The following BMERB1 variants were observed in gnomAD, a reference collection of about 807,000 sequenced individuals.
BMERB1 encodes the protein bMERB domain-containing protein 1.
In BMERB1, 12 loss-of-function variants were observed where a neutral mutation model predicts 23.6. That is an observed-to-expected ratio of 0.51 (90% CI 0.33 to 0.82). The LOEUF (loss-of-function observed/expected upper bound fraction) is 0.82, where lower values mean the gene tolerates loss of function less well. Among genes scored for constraint, BMERB1 ranks in the 40% least tolerant of loss-of-function variants. The pLI is 0.03. For synonymous variants in BMERB1, 122 were observed against 96.6 expected, an observed-to-expected ratio of 1.26 and a Z score of -1.54; for missense variants, 247 against 255.4, an observed-to-expected ratio of 0.97 and a Z score of 0.22.
intron 2 of BMERB1, among the ~76,000 whole-genome samples, chr16:15,523,624 G>A (rs1260274360): frequency 6.6e-6 from 1 of 152,098 alleles, no homozygotes; most frequent in African/African-American, 2.4e-5. Flanking sequence ...CAACTGTGTG[G>A]CCTGGAGCAA....
intron 2 of BMERB1, chr16:15,533,116 A>T: frequency 2.5e-6 from 1 of 406,814 alleles, no homozygotes; most frequent in Admixed American, 3.0e-5. Flanking sequence ...TTAAGTGCTC[A>T]GTCCAGTGCC....
chr16:15,544,965 C>A (rs115467589), intron 2 of BMERB1, among the ~76,000 whole-genome samples: 2,139 of 149,352 alleles, frequency 0.014, 56 homozygotes, highest in African/African-American at 0.05. Flanking sequence ...CCCAAATTTT[C>A]TTTTCTTTTC....
intron 2 of BMERB1, among the ~76,000 whole-genome samples, chr16:15,522,606 C>G (rs1211397817): frequency 6.6e-6 from 1 of 152,184 alleles, no homozygotes; most frequent in Non-Finnish European, 1.5e-5. Flanking sequence ...GATGAGGAAA[C>G]TGAGGCACTG....
chr16:15,569,281 C>T (rs2030664928), intron 3 of BMERB1, among the ~76,000 whole-genome samples: 1 of 152,132 alleles, frequency 6.6e-6, no homozygotes, highest in African/African-American at 2.4e-5. Flanking sequence ...CACAGTCCTG[C>T]AGGCTGTACC....
chr16:15,468,493 T>C (rs1156242706), intron 1 of BMERB1, among the ~76,000 whole-genome samples: 1 of 152,072 alleles, frequency 6.6e-6, no homozygotes. Flanking sequence ...CTATTAATAA[T>C]TCCAAAAGGA....
chr16:15,499,331 G>A (rs2051504126), intron 1 of BMERB1, among the ~76,000 whole-genome samples: 1 of 151,752 alleles, frequency 6.6e-6, no homozygotes, highest in South Asian at 2.1e-4. Flanking sequence ...CCGGGAGGTG[G>A]AGGTTGCAGT....
chr16:15,546,340 C>T (rs1267603748), intron 2 of BMERB1, among the ~76,000 whole-genome samples: 3 of 152,194 alleles, frequency 2.0e-5, no homozygotes, highest in East Asian at 1.9e-4. Flanking sequence ...TAAACCCCGT[C>T]GTTCTAAGCA....
chr16:15,480,012 A>ATAAT (rs1229038686), intron 1 of BMERB1, among the ~76,000 whole-genome samples: 1 of 146,926 alleles, frequency 6.8e-6, no homozygotes, highest in African/African-American at 2.5e-5. Flanking sequence ...ATATATATAT[A>ATAAT]ATATATATAT....
chr16:15,436,147 G>T (rs1407781540), intron 1 of BMERB1, among the ~76,000 whole-genome samples: 2 of 151,866 alleles, frequency 1.3e-5, no homozygotes, highest in African/African-American at 4.8e-5. Flanking sequence ...GGTAAACGGG[G>T]TATCCAAAAC....
chr16:15,562,234 C>A (rs2030441112), intron 2 of BMERB1, among the ~76,000 whole-genome samples: 1 of 139,270 alleles, frequency 7.2e-6, no homozygotes. Context: ...ACCCGGGAGG[C>A]AAAGGTTGCA....
intron 1 of BMERB1, among the ~76,000 whole-genome samples, chr16:15,514,974 C>G (rs927191602): frequency 3.3e-5 from 5 of 151,870 alleles, no homozygotes; most frequent in African/African-American, 4.8e-5. Context: ...CCCAGCTACT[C>G]GGGAGGCTGA....
intron 1 of BMERB1, chr16:15,502,199 C>G: frequency 8.1e-7 from 1 of 1,231,068 alleles, no homozygotes; most frequent in Non-Finnish European, 1.2e-6. Context: ...TTTGACACGT[C>G]AGATGTGGCT....
intron 2 of BMERB1, among the ~76,000 whole-genome samples, chr16:15,559,108 TTA>T (rs1428873682): frequency 7.2e-5 from 11 of 152,158 alleles, no homozygotes; most frequent in Non-Finnish European, 1.5e-4. Flanking sequence ...CTATATGTCA[TTA>T]TGTTACATAT....
chr16:15,520,644 T>A (rs529070219), intron 2 of BMERB1, among the ~76,000 whole-genome samples: 8 of 151,934 alleles, frequency 5.3e-5, no homozygotes, highest in Non-Finnish European at 8.8e-5. Flanking sequence ...CCACCACGCC[T>A]GGCTAACTTT....
At chr16:15,540,167 A>G (rs1458608128) in intron 2 of BMERB1, among the ~76,000 whole-genome samples, 1 of 152,104 alleles carries the variant, frequency 6.6e-6, no homozygotes, top group East Asian at 1.9e-4. Context: ...TATAATTTTC[A>G]TGTCTTTTAG....
chr16:15,524,735 C>G (rs926453520), intron 2 of BMERB1, among the ~76,000 whole-genome samples: 43 of 152,318 alleles, frequency 2.8e-4, no homozygotes, highest in African/African-American at 1.0e-3. Context: ...TGTGCCACTG[C>G]ATTCCAGCCT....
In BMERB1 at chr16:15,517,925, ATG is replaced by A. The variant is rs561618851; in HGVS notation, c.230+2506_230+2507del. On this transcript the variant is annotated intron_variant, in intron 2 of 5. Coordinates refer to ENST00000300006, the MANE Select transcript of BMERB1 (RefSeq NM_033201.3). ...TGTGTGTGTGTATGTGTGTGTGAGG[ATG>A]TGTGTGTGCATGTGTGGGTGTGTGT... Among the ~76,000 whole-genome samples the A allele has an allele frequency of 3.0e-4, 36 of 118,408 alleles. No homozygotes were observed. In the East Asian group the frequency reaches 5.3e-3, roughly 17 times the overall value. 77.7% of individuals were successfully genotyped at this position (118,408 alleles called of 152,430 possible).
intron 1 of BMERB1, among the ~76,000 whole-genome samples, chr16:15,459,419 T>C (rs1018043246): frequency 6.7e-6 from 1 of 149,212 alleles, no homozygotes; most frequent in African/African-American, 2.5e-5. Context: ...CACAAATAGG[T>C]TGAAAAGAAA....
At chr16:15,533,329 G>A (rs1024884897) in intron 2 of BMERB1, among the ~76,000 whole-genome samples, 4 of 152,020 alleles carry the variant, frequency 2.6e-5, no homozygotes, top group African/African-American at 9.7e-5. Context: ...GAAGTCTCAA[G>A]GGGCACCTAA....
Sources: allele counts gnomAD v4.1 joint callset (sites outside exome capture counted in the v4.1 genomes callset), GRCh38; gene constraint gnomAD v4.1.1; transcripts MANE v1.5; gene names NCBI Gene and HGNC (gene_info 2026-07-23, HGNC 2026-07-21).